Variants in ZNF600 observed in about 807,000 individuals in gnomAD.
ZNF600 encodes zinc finger protein KR-ZNF1.
A neutral mutation model predicts 7.3 loss-of-function variants in ZNF600; 4 were observed. That is an observed-to-expected ratio of 0.55 (90% CI 0.27 to 1.25). The LOEUF (loss-of-function observed/expected upper bound fraction) is 1.25. Among genes scored for constraint, ZNF600 ranks in the 50% most tolerant of loss-of-function variants. ZNF600 has a pLI of 0.12. For missense variants in ZNF600, 911 were observed against 922.1 expected (o/e 0.99, Z 0.16); for synonymous variants, 290 against 308.9 (o/e 0.94, Z 0.64).
At chr19:52,832,776 C>CT in the ZNF600 span, among the ~76,000 whole-genome samples, 5 of 151,710 alleles carry the variant, frequency 3.3e-5, no homozygotes, top group African/African-American at 9.7e-5. Flanking sequence ...TCTCTCTCTC[C>CT]TTTTTTTTCT....
At chr19:52,800,053 G>A in the ZNF600 span, 5 of 1,614,022 alleles carry the variant, frequency 3.1e-6, no homozygotes, top group Non-Finnish European at 3.4e-6. Flanking sequence ...TGAACTCTCT[G>A]ATGTTGTGCC....
chr19:52,792,707 G>A, the ZNF600 span, among the ~76,000 whole-genome samples: 2 of 151,754 alleles, frequency 1.3e-5, no homozygotes, highest in South Asian at 2.1e-4. Context: ...CACCATGCCC[G>A]GCTCAATCCT....
At chr19:52,766,125 T>C in exon 4 of ZNF600, 1 of 1,614,168 alleles carries the variant, frequency 6.2e-7, no homozygotes, top group Non-Finnish European at 8.5e-7. Context: ...AAGTCTACGA[T>C]GGCAATGAAG....
Position 52,778,809 on chromosome 19 carries a change from G to T in ZNF600, c.63+17C>A. On this transcript the variant is annotated intron_variant, in intron 2 of 3. Coordinates refer to ENST00000648973, the Ensembl canonical transcript of ZNF600. The stretch of plus-strand genomic sequence containing the variant: ...AAGGAAAGAGACAGATTAATCCACA[G>T]AGGAATATCACTTCACCTGAGGAAG... The T allele has an allele frequency of 6.2e-7, 1 of 1,600,172 alleles. No individual in the cohort carries two copies. Among genetic ancestry groups the T allele is most frequent in the South Asian group, 1.1e-5 (1 of 89,908 alleles).
the ZNF600 span, among the ~76,000 whole-genome samples, chr19:52,808,408 C>T: frequency 6.6e-6 from 1 of 152,116 alleles, no homozygotes. Context: ...CTTTTATAGA[C>T]ACACCAAGTG....
chr19:52,767,708 G>C, exon 4 of ZNF600: 1 of 1,612,424 alleles, frequency 6.2e-7, no homozygotes, highest in Non-Finnish European at 8.5e-7. Flanking sequence ...TCCCTGTGTG[G>C]ATCACTTCTG....
chr19:52,799,139 A>G, the ZNF600 span: 1 of 409,100 alleles, frequency 2.4e-6, no homozygotes, highest in Admixed American at 3.8e-5. Context: ...GATGACTTGC[A>G]AGGTGTGACT....
chr19:52,765,741 T>C (rs750882972), exon 4 of ZNF600: 19 of 1,613,694 alleles, frequency 1.2e-5, no homozygotes, highest in Middle Eastern at 1.6e-4. Context: ...AAAAGTCTTG[T>C]CACAAACCTT....
the ZNF600 span, among the ~76,000 whole-genome samples, chr19:52,830,874 T>C: frequency 2.2e-3 from 314 of 141,236 alleles, 45 homozygotes; most frequent in African/African-American, 8.3e-3. Flanking sequence ...CATGCACATC[T>C]GTGGGAATAT....
the ZNF600 span, among the ~76,000 whole-genome samples, chr19:52,831,473 C>T: frequency 1.3e-5 from 2 of 151,318 alleles, no homozygotes; most frequent in Admixed American, 1.3e-4. Flanking sequence ...CCAGGCCTGG[C>T]TAAAAGTTTG....
chr19:52,769,637 GTCTTT>G lies in ZNF600; in HGVS notation c.191-1870_191-1866del, dbSNP rs1164269319. ...TGGCAGTGGTCCCCCGGGCCCAGCT[GTCTTT>G]TCTTTTATCTCTTTGTCTTGTGTAT... On this transcript the variant is annotated intron_variant, in intron 3 of 3. Coordinates refer to ENST00000648973, the Ensembl canonical transcript of ZNF600. Among the ~76,000 whole-genome samples, 4 of 152,262 alleles carry G rather than the reference GTCTTT, an allele frequency of 2.6e-5. No homozygotes were observed. The South Asian group carries it at 6.2e-4, about 24-fold the overall frequency.
At chr19:52,778,323 T>TA (rs531923267) in intron 2 of ZNF600, among the ~76,000 whole-genome samples, 20,049 of 144,958 alleles carry the variant, frequency 0.14, 1,771 homozygotes, top group African/African-American at 0.25. Flanking sequence ...TCCTGTCTCT[T>TA]AAAAAAAAAA....
chr19:52,764,897 A>G (rs1437654686), exon 4 of ZNF600: 2 of 173,356 alleles, frequency 1.2e-5, no homozygotes, highest in Non-Finnish European at 2.5e-5. Context: ...AAAATAGAAA[A>G]TAAGAATCAA....
chr19:52,766,145 C>T, exon 4 of ZNF600: 1 of 1,614,028 alleles, frequency 6.2e-7, no homozygotes, highest in Non-Finnish European at 8.5e-7. Flanking sequence ...GGTATGACCT[C>T]TGACTGAAGG....
the ZNF600 span, among the ~76,000 whole-genome samples, chr19:52,819,354 G>T: frequency 2.7e-5 from 4 of 145,534 alleles, no homozygotes; most frequent in Admixed American, 7.0e-5. Context: ...TCCGAAGATG[G>T]TCTCTCTTTC....
At chr19:52,808,386 A>G in the ZNF600 span, among the ~76,000 whole-genome samples, 6 of 152,208 alleles carry the variant, frequency 3.9e-5, no homozygotes. Flanking sequence ...CCTGTTATAA[A>G]AATGTTTGAA....
At chr19:52,809,874 G>C in the ZNF600 span, 1 of 690,770 alleles carries the variant, frequency 1.4e-6, no homozygotes, top group Admixed American at 2.5e-5. Flanking sequence ...GCCTGCGGGC[G>C]GTCCGGGATC....
At chr19:52,797,826 A>C in the ZNF600 span, 3 of 152,234 alleles carry the variant, frequency 2.0e-5, no homozygotes, top group Admixed American at 6.5e-5. Context: ...CTTTTTGTTA[A>C]AGAAACAAAA....
chr19:52,811,449 G>A, the ZNF600 span, among the ~76,000 whole-genome samples: 1 of 146,684 alleles, frequency 6.8e-6, no homozygotes. Context: ...GAAGCGAGGA[G>A]CGCCTCTTCC....
Sources: allele counts gnomAD v4.1 joint callset (sites outside exome capture counted in the v4.1 genomes callset), GRCh38; gene constraint gnomAD v4.1.1; transcripts MANE v1.5; gene names NCBI Gene and HGNC (gene_info 2026-07-23, HGNC 2026-07-21).